Variants in XXYLT1 observed in about 807,000 individuals in gnomAD.
The protein encoded by XXYLT1 is xyloside xylosyltransferase 1.
XXYLT1 carries 20 observed loss-of-function variants against 28.9 expected under a neutral mutation model. That is an observed-to-expected ratio of 0.69 (90% CI 0.49 to 1.00). The LOEUF (loss-of-function observed/expected upper bound fraction) is 1.00. Ranked by LOEUF, XXYLT1 falls within the 50% of genes least tolerant of loss-of-function variation. The probability of loss-of-function intolerance (pLI) is 0.00; values close to 1 mark genes in which losing one functional copy is unlikely to be tolerated. For missense variants in XXYLT1, 542 were observed against 560.1 expected (o/e 0.97, Z 0.33); for synonymous variants, 257 against 253.8 (o/e 1.01, Z -0.12).
At chr3:195,084,844 C>G (rs1208149216) in intron 3 of XXYLT1, among the ~76,000 whole-genome samples, 1 of 152,226 alleles carries the variant, frequency 6.6e-6, no homozygotes, top group South Asian at 2.1e-4. Context: ...AGAGCCCACT[C>G]TGATGGCAGG....
At chr3:195,253,770 A>C (rs1250191748) in intron 1 of XXYLT1, among the ~76,000 whole-genome samples, 3 of 152,104 alleles carry the variant, frequency 2.0e-5, no homozygotes, top group Non-Finnish European at 4.4e-5. Flanking sequence ...AAGTTCTAGG[A>C]TTACAGGCGT....
chr3:195,116,489 A>G (rs1718049838), intron 3 of XXYLT1, among the ~76,000 whole-genome samples: 1 of 152,092 alleles, frequency 6.6e-6, no homozygotes, highest in Non-Finnish European at 1.5e-5. Flanking sequence ...GATCCAAACT[A>G]TTTACAGGTG....
At chr3:195,189,996 T>C (rs889940201) in intron 2 of XXYLT1, among the ~76,000 whole-genome samples, 4 of 152,146 alleles carry the variant, frequency 2.6e-5, no homozygotes, top group African/African-American at 7.2e-5. Flanking sequence ...CATTTCAATA[T>C]GATTAATGGC....
chr3:195,083,769 T>G (rs990017607), intron 3 of XXYLT1, among the ~76,000 whole-genome samples: 3 of 152,196 alleles, frequency 2.0e-5, no homozygotes, highest in Non-Finnish European at 4.4e-5. Flanking sequence ...CTCATGCCGC[T>G]AATCCCAGCA....
intron 2 of XXYLT1, among the ~76,000 whole-genome samples, chr3:195,201,525 C>G (rs1341602422): frequency 1.3e-5 from 2 of 152,238 alleles, no homozygotes; most frequent in East Asian, 3.8e-4. Context: ...TATCTTGAGG[C>G]TGTTCCTTGT....
rs901292542 is a variant in XXYLT1 at position 195,209,100 on chromosome 3, G to A, written c.652+17609C>T. 2.6e-5 allele frequency among the ~76,000 whole-genome samples: 4 copies of A among 152,220 alleles called. No homozygotes were observed. Among genetic ancestry groups the A allele is most frequent in the African/African-American group, 4.8e-5 (2 of 41,456 alleles). On this transcript the variant is annotated intron_variant, in intron 2 of 3. Coordinates refer to ENST00000310380, the MANE Select transcript of XXYLT1 (RefSeq NM_152531.5). This position sits in a 1 kb window ranked among gnomAD's most constrained non-coding sequence, Gnocchi z 5.0. ...CCACCTCCCCTTACGTGGCTCACTCGCCTCTCAGGGGGAAGCTATCTCCCA... is the reference window on the plus strand; with the variant it reads ...CCACCTCCCCTTACGTGGCTCACTCACCTCTCAGGGGGAAGCTATCTCCCA...
chr3:195,270,771 C>T lies in XXYLT1; in HGVS notation c.288G>A (p.Pro96=). The T allele has an allele frequency of 6.3e-7, 1 of 1,574,972 alleles. No individual in the cohort carries two copies. ...AKSLEGGGAG[P]VDYHLLMMFT... is the part of the protein sequence containing the mutation. ...ACATCATCAGCAGGTGGTAGTCCAC[C>T]GGCCCGGCACCGCCGCCCTCCAAGC... The change falls in exon 1 of 4, where the codon CCG becomes CCA. Residue 96 remains proline (P), a synonymous_variant. Coordinates refer to ENST00000310380, the MANE Select transcript of XXYLT1 (RefSeq NM_152531.5).
chr3:195,121,607 C>T (rs950224717), intron 3 of XXYLT1, among the ~76,000 whole-genome samples: 1 of 152,242 alleles, frequency 6.6e-6, no homozygotes, highest in African/African-American at 2.4e-5. Flanking sequence ...ATTCCCTCAT[C>T]CCCAAACCTC....
Position 195,077,519 on chromosome 3 carries a change from G to T in XXYLT1, c.786-7408C>A, listed in dbSNP as rs936310828. Among the ~76,000 whole-genome samples the T allele has an allele frequency of 7.9e-5, 12 of 152,102 alleles. No individual in the cohort carries two copies. Among genetic ancestry groups the T allele is most frequent in the African/African-American group, 2.9e-4 (12 of 41,416 alleles). On this transcript the variant is annotated intron_variant, in intron 3 of 3. Coordinates refer to ENST00000310380, the MANE Select transcript of XXYLT1 (RefSeq NM_152531.5). The surrounding 1 kb of genome is among the most constrained non-coding windows in gnomAD (Gnocchi z 4.8). The stretch of plus-strand genomic sequence containing the variant: ...GGCGGCTCCTCAGCGATCAGCCCTC[G>T]TCCACCCAGCCAGCCTCCTGGAGTC...
intron 2 of XXYLT1, among the ~76,000 whole-genome samples, chr3:195,220,873 A>T (rs1272968808): frequency 6.6e-6 from 1 of 152,208 alleles, no homozygotes; most frequent in Non-Finnish European, 1.5e-5. Flanking sequence ...TTAAGCATGG[A>T]TGACATAGAG....
At chr3:195,097,913 G>A (rs1482325894) in intron 3 of XXYLT1, among the ~76,000 whole-genome samples, 4 of 151,896 alleles carry the variant, frequency 2.6e-5, no homozygotes, top group Non-Finnish European at 5.9e-5. Flanking sequence ...TGGTGGAGGG[G>A]AACCGAGAAA....
At chr3:195,119,514 A>G (rs1251678577) in intron 3 of XXYLT1, among the ~76,000 whole-genome samples, 1 of 152,140 alleles carries the variant, frequency 6.6e-6, no homozygotes, top group African/African-American at 2.4e-5. Flanking sequence ...ACAAGAAGAC[A>G]GAAAGAATGG....
intron 1 of XXYLT1, among the ~76,000 whole-genome samples, chr3:195,262,612 T>C (rs755908575): frequency 1.3e-5 from 2 of 152,192 alleles, no homozygotes; most frequent in Non-Finnish European, 2.9e-5. Context: ...AATCCGTGCA[T>C]TGAGGCCCCC....
rs546863551 is a variant in XXYLT1, at chr3:195,070,222, G to A, written c.786-111C>T. On this transcript the variant is annotated intron_variant, in intron 3 of 3. Transcript: ENST00000310380. ...CATGCAAACACTGCCACATTCCGGG[G>A]TGCAGAATCCGCATCACTACACCAG... 5 of 1,383,964 alleles carry A rather than the reference G, an allele frequency of 3.6e-6. No individual in the cohort carries two copies. The East Asian group carries it at 7.2e-5, about 20-fold the overall frequency. 85.7% of individuals were successfully genotyped at this position (1,383,964 alleles called of 1,614,324 possible). A position where few individuals can be genotyped will look rare whatever the true frequency, so the allele number is the denominator to read the frequency against.
chr3:195,128,640 G>A (rs892806593), intron 3 of XXYLT1, among the ~76,000 whole-genome samples: 12 of 152,082 alleles, frequency 7.9e-5, no homozygotes, highest in African/African-American at 2.2e-4. Context: ...GACCTAAAAT[G>A]TCCTTTCTTC....
intron 3 of XXYLT1, chr3:195,148,216 A>T (rs1209143908): frequency 6.6e-6 from 1 of 152,246 alleles, no homozygotes; most frequent in African/African-American, 2.4e-5. Context: ...ACAACCTCAG[A>T]GTAGACTTCT....
rs935942310 is a variant in XXYLT1 at position 195,148,472 on chromosome 3, G to C, written c.785+7977C>G. ...TTTTTTTTTTTAAACACGAGAACAA[G>C]GTTCAAGAAATTCATCTTCAGGTGT... is the stretch of plus-strand genomic sequence containing the variant. On this transcript the variant is annotated intron_variant, in intron 3 of 3. Coordinates refer to ENST00000310380, the MANE Select transcript of XXYLT1 (RefSeq NM_152531.5). 2.6e-5 allele frequency among the ~76,000 whole-genome samples: 4 copies of C among 151,944 alleles called. No individual in the cohort carries two copies. The South Asian group carries it at 8.3e-4, about 31-fold the overall frequency.
At chr3:195,179,934 C>A (rs1463258866) in intron 2 of XXYLT1, among the ~76,000 whole-genome samples, 1 of 152,196 alleles carries the variant, frequency 6.6e-6, no homozygotes, top group Non-Finnish European at 1.5e-5. Context: ...TCCCCGTGAT[C>A]CCTCGGGCCT....
chr3:195,080,767 G>C (rs941549863), intron 3 of XXYLT1, among the ~76,000 whole-genome samples: 1 of 152,170 alleles, frequency 6.6e-6, no homozygotes, highest in Admixed American at 6.5e-5. Context: ...TGTGTCCCCA[G>C]TTAGACTCCA....
Sources: allele counts gnomAD v4.1 joint callset (sites outside exome capture counted in the v4.1 genomes callset), GRCh38; gene constraint gnomAD v4.1.1; non-coding constraint Gnocchi (gnomAD v3.1); transcripts MANE v1.5; gene names NCBI Gene and HGNC (gene_info 2026-07-23, HGNC 2026-07-21).